Variants in PTK2 observed in about 807,000 individuals in gnomAD.
PTK2 encodes the protein protein tyrosine kinase 2, also known as focal adhesion kinase 1.
PTK2 carries 45 observed loss-of-function variants against 150.1 expected under a neutral mutation model. The observed-to-expected ratio is 0.30, with a 90% CI of 0.24 to 0.38. The LOEUF (loss-of-function observed/expected upper bound fraction) is 0.38. PTK2 is among the 10% of genes least tolerant of loss of function. PTK2 has a pLI of 1.00. For synonymous variants in PTK2, 432 were observed against 449.2 expected (o/e 0.96, Z 0.48); for missense variants, 919 against 1,307.3 (o/e 0.70, Z 4.58).
intron 7 of PTK2, 30 bp from the exon 8 acceptor site, chr8:140,830,556 A>AT: frequency 7.9e-7 from 1 of 1,262,608 alleles, no homozygotes; most frequent in Non-Finnish European, 1.1e-6. Flanking sequence ...GTATTAACAA[A>AT]TAACACCACC....
chr8:140,870,321 T>C (rs180744828), intron 4 of PTK2, among the ~76,000 whole-genome samples: 1 of 152,318 alleles, frequency 6.6e-6, no homozygotes, highest in Admixed American at 6.5e-5. Flanking sequence ...AAAACACTGA[T>C]TGATAATAAA....
chr8:140,955,084 T>G (rs1228923206), intron 1 of PTK2, among the ~76,000 whole-genome samples: 1 of 152,156 alleles, frequency 6.6e-6, no homozygotes, highest in East Asian at 1.9e-4. Context: ...TGACACAAAG[T>G]TAGCTAACAA....
intron 26 of PTK2, among the ~76,000 whole-genome samples, chr8:140,697,195 G>A (rs2100027191): frequency 6.9e-6 from 1 of 145,734 alleles, no homozygotes; most frequent in Non-Finnish European, 1.5e-5. Context: ...GTGCCTCGAT[G>A]CCATCATGGC....
At chr8:140,897,277 T>A (rs7012964) in intron 2 of PTK2, among the ~76,000 whole-genome samples, 146,226 of 152,280 alleles carry the variant, frequency 0.96, 70,385 homozygotes, top group Non-Finnish European at 1. Context: ...AACATTTTTT[T>A]AAAGATAAAC....
chr8:140,988,915 C>G (rs928783580), intron 1 of PTK2, among the ~76,000 whole-genome samples: 1 of 151,842 alleles, frequency 6.6e-6, no homozygotes, highest in Non-Finnish European at 1.5e-5. Context: ...AAAATCTATT[C>G]CAAGTGAATT....
At chr8:140,989,567 G>A (rs2100194852) in intron 1 of PTK2, among the ~76,000 whole-genome samples, 1 of 151,080 alleles carries the variant, frequency 6.6e-6, no homozygotes, top group Non-Finnish European at 1.5e-5. Context: ...AAAAATACAG[G>A]CACTTGGCAA....
intron 14 of PTK2, among the ~76,000 whole-genome samples, chr8:140,766,146 A>G (rs989446445): frequency 6.6e-6 from 1 of 152,216 alleles, no homozygotes; most frequent in African/African-American, 2.4e-5. Flanking sequence ...CAAACTGCTG[A>G]AAAGTCTCTA....
At chr8:140,807,537 T>A (rs1358038024) in intron 10 of PTK2, among the ~76,000 whole-genome samples, 1 of 151,928 alleles carries the variant, frequency 6.6e-6, no homozygotes, top group Non-Finnish European at 1.5e-5. Context: ...AGAAGGAGAA[T>A]CTGAGATGTG....
At chr8:140,735,620 C>T (rs539898843) in intron 21 of PTK2, among the ~76,000 whole-genome samples, 165 bp from the exon 25 acceptor site, 12 of 152,042 alleles carry the variant, frequency 7.9e-5, no homozygotes, top group South Asian at 2.1e-4. Flanking sequence ...AATAACCTAA[C>T]GATTTAACAT....
At chr8:140,675,605 C>T (rs2100013172) in intron 27 of PTK2, 106 bp from the exon 31 acceptor site, 1 of 833,748 alleles carries the variant, frequency 1.2e-6, no homozygotes, top group African/African-American at 1.7e-5. Flanking sequence ...AGGCTAGATT[C>T]TAGTGTATCA....
At chr8:140,869,480 G>A (rs141470907) in intron 4 of PTK2, among the ~76,000 whole-genome samples, 133 of 152,226 alleles carry the variant, frequency 8.7e-4, no homozygotes, top group South Asian at 8.3e-3. Flanking sequence ...TGACTGATCA[G>A]CACAGCTTTC....
intron 26 of PTK2, among the ~76,000 whole-genome samples, chr8:140,688,801 T>C (rs57138243): frequency 0.012 from 1,898 of 152,342 alleles, 44 homozygotes; most frequent in African/African-American, 0.044. Context: ...TAAAACATTG[T>C]ACTGTGTTTA....
chr8:140,869,077 AGACTGAC>A (rs2100141035), intron 4 of PTK2, among the ~76,000 whole-genome samples: 1 of 152,150 alleles, frequency 6.6e-6, no homozygotes, highest in Non-Finnish European at 1.5e-5. Context: ...CACATATACA[AGACTGAC>A]CCTTTTGTAG....
Position 140,994,488 on chromosome 8 carries a change from T to C in PTK2, c.-122+6637A>G, listed in dbSNP as rs573762669. Among the ~76,000 whole-genome samples the C allele has an allele frequency of 3.9e-4, 60 of 152,312 alleles. 1 individual carries two copies. The highest frequency in any genetic ancestry group is 1.5e-4 in the Non-Finnish European group (10 of 68,020). On this transcript the variant is annotated intron_variant, in intron 1 of 31. Transcript: ENST00000522684. ...TTCAAACTTTCTCATTATTATTACA[T>C]CTGTTGTGGTGATCTGTGAACAGGG...
At position 140,700,883 on chromosome 8, in the gene PTK2, A is replaced by G. The variant is rs749183921; in HGVS notation, c.2499+8T>C. 6.2e-7 allele frequency: 1 copy of G among 1,613,642 alleles called. No individual in the cohort carries two copies. Among genetic ancestry groups the G allele is most frequent in the East Asian group, 2.2e-5 (1 of 44,858 alleles). On this transcript the variant is annotated splice_region_variant and intron_variant, in intron 26 of 31. Coordinates refer to ENST00000522684, the Ensembl canonical transcript of PTK2. ...AAAGTCAAAGAAGCCTTTCAGAAAC[A>G]CAATTACCAGAAATCTTTCCTCTTT...
intron 1 of PTK2, among the ~76,000 whole-genome samples, chr8:140,997,346 T>C (rs1206222640): frequency 1.3e-5 from 2 of 152,248 alleles, no homozygotes; most frequent in African/African-American, 4.8e-5. Context: ...TTGCATACAC[T>C]GATTGATAAA....
chr8:140,711,056 G>C (rs888753551), intron 23 of PTK2, among the ~76,000 whole-genome samples: 1 of 152,152 alleles, frequency 6.6e-6, no homozygotes, highest in African/African-American at 2.4e-5. Flanking sequence ...TCATGCCTCA[G>C]ACTCCCAAGT....
chr8:140,796,904 T>C (rs2100091950), intron 12 of PTK2, among the ~76,000 whole-genome samples: 1 of 152,222 alleles, frequency 6.6e-6, no homozygotes, highest in Admixed American at 6.5e-5. Flanking sequence ...ATGTAGGTTT[T>C]TAATACATTA....
At chr8:140,730,344 G>T (rs1019366032) in intron 22 of PTK2, among the ~76,000 whole-genome samples, 1 of 152,170 alleles carries the variant, frequency 6.6e-6, no homozygotes, top group African/African-American at 2.4e-5. Context: ...ATATAACAAT[G>T]AGAATTGAGT....
Sources: allele counts gnomAD v4.1 joint callset (sites outside exome capture counted in the v4.1 genomes callset), GRCh38; gene constraint gnomAD v4.1.1; transcripts MANE v1.5; gene names NCBI Gene and HGNC (gene_info 2026-07-23, HGNC 2026-07-21).